ENTREP2: variants seen among roughly 807,000 people sequenced by gnomAD.
The protein encoded by ENTREP2 is endosomal transmembrane epsin interactor 2.
chr15:29,118,308 G>A, the ENTREP2 span: 1 of 152,424 alleles, frequency 6.6e-6, no homozygotes, highest in African/African-American at 2.4e-5. Context: ...CTGAAGTCGT[G>A]ATGAAAAGCC....
the ENTREP2 span, among the ~76,000 whole-genome samples, chr15:29,434,017 G>A: frequency 6.6e-6 from 1 of 152,158 alleles, no homozygotes; most frequent in Non-Finnish European, 1.5e-5. Context: ...TCTACCCTCT[G>A]TCTATCCTAG....
chr15:29,426,390 G>T, the ENTREP2 span, among the ~76,000 whole-genome samples: 1 of 152,092 alleles, frequency 6.6e-6, no homozygotes, highest in Non-Finnish European at 1.5e-5. Flanking sequence ...GCTTTGTCTT[G>T]TTTAACGCTT....
the ENTREP2 span, among the ~76,000 whole-genome samples, chr15:29,302,302 C>T: frequency 3.9e-5 from 6 of 152,166 alleles, no homozygotes; most frequent in African/African-American, 1.4e-4. Flanking sequence ...TGAGTCCAAG[C>T]TGTTCATTCA....
At chr15:29,395,753 T>C in the ENTREP2 span, among the ~76,000 whole-genome samples, 3 of 151,892 alleles carry the variant, frequency 2.0e-5, no homozygotes, top group African/African-American at 7.3e-5. Flanking sequence ...AGGCTGGTCT[T>C]GAACTCTTGG....
At chr15:29,495,875 T>C in the ENTREP2 span, among the ~76,000 whole-genome samples, 1 of 152,264 alleles carries the variant, frequency 6.6e-6, no homozygotes, top group East Asian at 1.9e-4. Flanking sequence ...CTGTTAAAAA[T>C]TGCTTGGGCT....
the ENTREP2 span, chr15:29,121,715 G>GT: frequency 6.6e-6 from 1 of 152,352 alleles, no homozygotes; most frequent in East Asian, 1.9e-4. Flanking sequence ...AAAAGTGCAG[G>GT]TTGTCATCAA....
the ENTREP2 span, among the ~76,000 whole-genome samples, chr15:29,237,577 G>C: frequency 6.6e-6 from 1 of 152,296 alleles, no homozygotes; most frequent in East Asian, 1.9e-4. Context: ...GGAATCATTA[G>C]TAATCAGGGA....
At chr15:29,128,949 T>C in the ENTREP2 span, 10 of 833,480 alleles carry the variant, frequency 1.2e-5, no homozygotes, top group Admixed American at 1.4e-4. Context: ...CGCTTAAACT[T>C]GTCTCCTGGT....
the ENTREP2 span, among the ~76,000 whole-genome samples, chr15:29,436,632 T>C: frequency 6.6e-6 from 1 of 152,256 alleles, no homozygotes; most frequent in Non-Finnish European, 1.5e-5. Context: ...AATTTAATTT[T>C]GGCTGCCCAG....
At chr15:29,382,518 C>T in the ENTREP2 span, among the ~76,000 whole-genome samples, 1 of 152,090 alleles carries the variant, frequency 6.6e-6, no homozygotes, top group African/African-American at 2.4e-5. Flanking sequence ...TGATGAGGCT[C>T]CAGAACTTTC....
chr15:29,270,230 T>C, the ENTREP2 span, among the ~76,000 whole-genome samples: 1 of 152,184 alleles, frequency 6.6e-6, no homozygotes, highest in Non-Finnish European at 1.5e-5. Context: ...GGGCTCTTAG[T>C]TTTCGTCCCT....
the ENTREP2 span, among the ~76,000 whole-genome samples, chr15:29,196,976 T>C: frequency 2.6e-5 from 4 of 152,152 alleles, no homozygotes; most frequent in Non-Finnish European, 5.9e-5. Context: ...ATCAAACTCC[T>C]GCTCATCCAT....
chr15:29,268,951 G>C, the ENTREP2 span: 1 of 1,614,136 alleles, frequency 6.2e-7, no homozygotes, highest in Non-Finnish European at 8.5e-7. Context: ...GTTGGTTCGC[G>C]GGCCCCACTG....
chr15:29,187,543 TG>T, the ENTREP2 span, among the ~76,000 whole-genome samples: 2 of 152,178 alleles, frequency 1.3e-5, no homozygotes, highest in South Asian at 4.1e-4. Flanking sequence ...CCCAAAGTGC[TG>T]GGATTACAGA....
the ENTREP2 span, among the ~76,000 whole-genome samples, chr15:29,543,317 T>C: frequency 1.1e-4 from 17 of 152,270 alleles, no homozygotes; most frequent in South Asian, 6.2e-4. Context: ...ACTGCAGACA[T>C]AGATGACTAC....
chr15:29,643,206 A>G, the ENTREP2 span, among the ~76,000 whole-genome samples: 1 of 152,342 alleles, frequency 6.6e-6, no homozygotes, highest in African/African-American at 2.4e-5. Flanking sequence ...ATTTCAAAGG[A>G]CAACATTAAG....
At chr15:29,380,848 CTTTT>C in the ENTREP2 span, among the ~76,000 whole-genome samples, 1 of 127,506 alleles carries the variant, frequency 7.8e-6, no homozygotes, top group Admixed American at 8.0e-5. Context: ...TGCATCCACA[CTTTT>C]TTTTTTTTTT....
At chr15:29,482,036 T>G in the ENTREP2 span, among the ~76,000 whole-genome samples, 1 of 152,040 alleles carries the variant, frequency 6.6e-6, no homozygotes, top group Non-Finnish European at 1.5e-5. Context: ...TTGCTCTTGT[T>G]GCCCAGGCTG....
the ENTREP2 span, among the ~76,000 whole-genome samples, chr15:29,306,471 GT>G: frequency 1.3e-5 from 2 of 152,014 alleles, no homozygotes; most frequent in African/African-American, 4.8e-5. Flanking sequence ...CATGGAAAAG[GT>G]TATATGTAAC....
Sources: allele counts gnomAD v4.1 joint callset (sites outside exome capture counted in the v4.1 genomes callset), GRCh38; gene constraint gnomAD v4.1.1; transcripts MANE v1.5; gene names NCBI Gene and HGNC (gene_info 2026-07-23, HGNC 2026-07-21).